The following GABRA2 variants were observed in gnomAD, a reference collection of about 807,000 sequenced individuals.
The protein encoded by GABRA2 is gamma-aminobutyric acid receptor subunit alpha-2.
GABRA2 carries 16 observed loss-of-function variants against 48.7 expected under a neutral mutation model. The observed-to-expected ratio is 0.33, with a 90% CI of 0.22 to 0.50. The LOEUF (loss-of-function observed/expected upper bound fraction) is 0.50. Among genes scored for constraint, GABRA2 ranks in the 20% least tolerant of loss-of-function variants. The probability of loss-of-function intolerance (pLI) is 0.98; values close to 1 mark genes in which losing one functional copy is unlikely to be tolerated. For synonymous variants in GABRA2, 185 were observed against 184.5 expected (o/e 1.00, Z -0.02); for missense variants, 275 against 535.6 (o/e 0.51, Z 4.80).
intron 4 of GABRA2, among the ~76,000 whole-genome samples, chr4:46,328,267 G>A (rs1407044630): frequency 2.4e-5 from 3 of 126,634 alleles, no homozygotes; most frequent in Non-Finnish European, 4.9e-5. Flanking sequence ...TTCCAAGATA[G>A]CAGAGTGTGT....
chr4:46,389,908 A>G lies in GABRA2; in HGVS notation c.-184T>C. On this transcript the variant is annotated 5_prime_UTR_variant, in exon 1 of 10. Transcript: ENST00000381620. ...AGAGCGTGGAGCGATGGGCTGGTGGAAGCCGGAGAGGAGCGCTAGGAGCCG... is the reference window on the plus strand; with the variant it reads ...AGAGCGTGGAGCGATGGGCTGGTGGGAGCCGGAGAGGAGCGCTAGGAGCCG... The G allele has an allele frequency of 1.0e-6, 1 of 972,700 alleles. No individual in the cohort carries two copies. The highest frequency in any genetic ancestry group is 1.2e-6 in the Non-Finnish European group (1 of 828,800). 60.3% of individuals were successfully genotyped at this position (972,700 alleles called of 1,614,324 possible). A position where few individuals can be genotyped will look rare whatever the true frequency, so the allele number is the denominator to read the frequency against.
chr4:46,288,639 T>C (rs1723005063), intron 8 of GABRA2, among the ~76,000 whole-genome samples: 2 of 152,126 alleles, frequency 1.3e-5, no homozygotes, highest in South Asian at 4.1e-4. Context: ...AATACCATTC[T>C]GGACATAAGA....
At chr4:46,362,571 G>T (rs1397144128) in intron 3 of GABRA2, among the ~76,000 whole-genome samples, 1 of 152,170 alleles carries the variant, frequency 6.6e-6, no homozygotes, top group African/African-American at 2.4e-5. Context: ...ATTTGGAGAG[G>T]TTAACTTACA....
chr4:46,264,268 G>A (rs1717656311), intron 8 of GABRA2, among the ~76,000 whole-genome samples: 1 of 151,986 alleles, frequency 6.6e-6, no homozygotes, highest in African/African-American at 2.4e-5. Context: ...CATGCAAATA[G>A]GGAGAGTTTT....
rs183855217 is a variant in GABRA2, at chr4:46,245,436, A to T, written c.*4872T>A. Among the ~76,000 whole-genome samples, 956 of 146,890 alleles carry T rather than the reference A, an allele frequency of 6.5e-3. 5 individuals are homozygous for T. Among genetic ancestry groups the T allele is most frequent in the African/African-American group, 0.019 (717 of 37,728 alleles). ...ATCATTTTGAATTTAATCTTTTTTT[A>T]AAAAAAAACTAGAAATACATTCGAA... On this transcript the variant is annotated 3_prime_UTR_variant, in exon 10 of 10. Coordinates refer to ENST00000381620, the MANE Select transcript of GABRA2 (RefSeq NM_000807.4).
At chr4:46,319,132 T>G (rs1000161149) in intron 4 of GABRA2, among the ~76,000 whole-genome samples, 1 of 151,886 alleles carries the variant, frequency 6.6e-6, no homozygotes, top group African/African-American at 2.4e-5. Context: ...CTCTATAAAC[T>G]ATTGCACAGT....
intron 8 of GABRA2, among the ~76,000 whole-genome samples, chr4:46,294,236 C>A (rs975047319): frequency 5.3e-5 from 8 of 152,226 alleles, no homozygotes; most frequent in Admixed American, 1.3e-4. Context: ...TTGCAACCAG[C>A]AACCAAGAAG....
At chr4:46,350,929 G>A (rs1012655049) in intron 3 of GABRA2, among the ~76,000 whole-genome samples, 2 of 151,832 alleles carry the variant, frequency 1.3e-5, no homozygotes, top group African/African-American at 2.4e-5. Flanking sequence ...GTAAGAGATA[G>A]GGGGAGGGGA....
At chr4:46,320,376 TGA>T (rs1261077436) in intron 4 of GABRA2, among the ~76,000 whole-genome samples, 2 of 151,854 alleles carry the variant, frequency 1.3e-5, no homozygotes, top group Non-Finnish European at 2.9e-5. Flanking sequence ...ATCTTGGCAA[TGA>T]GTGTTTTGAA....
intron 8 of GABRA2, among the ~76,000 whole-genome samples, chr4:46,286,991 G>A (rs1453666629): frequency 6.6e-6 from 1 of 151,884 alleles, no homozygotes; most frequent in Non-Finnish European, 1.5e-5. Context: ...TTGTGCTTTT[G>A]GTGTTAGATC....
intron 3 of GABRA2, among the ~76,000 whole-genome samples, chr4:46,371,669 T>C (rs1714913506): frequency 6.6e-6 from 1 of 152,182 alleles, no homozygotes; most frequent in South Asian, 2.1e-4. Context: ...TTTAATATTA[T>C]GCAGCATATC....
chr4:46,265,172 A>C (rs1478177920), intron 8 of GABRA2, among the ~76,000 whole-genome samples: 1 of 149,470 alleles, frequency 6.7e-6, no homozygotes, highest in Non-Finnish European at 1.5e-5. Context: ...AGTAGCTGGG[A>C]TTACAGGAGC....
At chr4:46,317,247 A>G (rs279854) in intron 4 of GABRA2, among the ~76,000 whole-genome samples, 57,409 of 151,576 alleles carry the variant, frequency 0.38, 11,573 homozygotes, top group East Asian at 0.52. Flanking sequence ...TGTAACTATT[A>G]TCAACTGTAT....
chr4:46,365,794 T>G lies in GABRA2; in HGVS notation c.187+20280A>C, dbSNP rs376105374. The G allele has an allele frequency of 8.5e-5, 13 of 152,220 alleles. No homozygotes were observed. In the East Asian group the frequency reaches 1.5e-3, roughly 18 times the overall value. 9.4% of individuals were successfully genotyped at this position (152,220 alleles called of 1,614,324 possible). A position where few individuals can be genotyped will look rare whatever the true frequency, so the allele number is the denominator to read the frequency against. ...ATCTTTTCCAAAGTACACTATATTG[T>G]GTCTCATAAGATGTACATGGGTCAA... On this transcript the variant is annotated intron_variant, in intron 3 of 9. Coordinates refer to ENST00000381620, the MANE Select transcript of GABRA2 (RefSeq NM_000807.4).
In GABRA2 at chr4:46,389,827, G is replaced by C. The variant is rs990867429; in HGVS notation, c.-103C>G. On this transcript the variant is annotated 5_prime_UTR_variant, in exon 1 of 10. Coordinates refer to ENST00000381620, the MANE Select transcript of GABRA2 (RefSeq NM_000807.4). ...GGAGAGAGAGAGAGAGAGAGAGAGA[G>C]AGAGAGAGAGAGAGAGAGAGAGAGA... 3.2e-6 allele frequency: 3 copies of C among 951,984 alleles called. No individual in the cohort carries two copies. The highest frequency in any genetic ancestry group is 2.0e-5 in the African/African-American group (1 of 50,352). 59.0% of individuals were successfully genotyped at this position (951,984 alleles called of 1,614,324 possible).
intron 3 of GABRA2, chr4:46,367,560 G>T (rs957789855): frequency 2.6e-5 from 4 of 151,924 alleles, no homozygotes; most frequent in African/African-American, 4.8e-5. Context: ...TTATTCCTGG[G>T]AGCTTTGGAA....
chr4:46,322,881 T>C (rs1346513520), intron 4 of GABRA2, among the ~76,000 whole-genome samples: 1 of 151,950 alleles, frequency 6.6e-6, no homozygotes, highest in Non-Finnish European at 1.5e-5. Flanking sequence ...ACCCTAATCC[T>C]TAAATTCGCA....
At chr4:46,292,929 C>T (rs1299353891) in intron 8 of GABRA2, among the ~76,000 whole-genome samples, 1 of 152,110 alleles carries the variant, frequency 6.6e-6, no homozygotes, top group African/African-American at 2.4e-5. Context: ...TGCAGTCACT[C>T]AACTACAAAA....
At chr4:46,370,624 A>G (rs1037322714) in intron 3 of GABRA2, among the ~76,000 whole-genome samples, 2 of 152,126 alleles carry the variant, frequency 1.3e-5, no homozygotes, top group Non-Finnish European at 2.9e-5. Flanking sequence ...CTTCCTAATC[A>G]AACCTTACTC....
Sources: allele counts gnomAD v4.1 joint callset (sites outside exome capture counted in the v4.1 genomes callset), GRCh38; gene constraint gnomAD v4.1.1; transcripts MANE v1.5; gene names NCBI Gene and HGNC (gene_info 2026-07-23, HGNC 2026-07-21).